Variants in GABRG1 observed in about 807,000 individuals in gnomAD.
GABRG1 encodes gamma-aminobutyric acid type A receptor subunit gamma1, also known as gamma-aminobutyric acid receptor subunit gamma-1.
GABRG1 carries 49 observed loss-of-function variants against 49.8 expected under a neutral mutation model. The observed-to-expected ratio is 0.98, with a 90% CI of 0.78 to 1.25. The LOEUF (loss-of-function observed/expected upper bound fraction) is 1.25, where lower values mean the gene tolerates loss of function less well. GABRG1 is among the 50% of genes most tolerant of loss of function. GABRG1 has a pLI of 0.00. For missense variants in GABRG1, 552 were observed against 552.3 expected (o/e 1.00, Z 0.01); for synonymous variants, 232 against 185.1 (o/e 1.25, Z -2.06).
At chr4:46,098,878 C>G (rs1031015690) in intron 1 of GABRG1, among the ~76,000 whole-genome samples, 3 of 151,578 alleles carry the variant, frequency 2.0e-5, no homozygotes, top group Non-Finnish European at 3.0e-5. Context: ...ATTGTATCAT[C>G]AGATTCACAT....
At position 46,076,361 on chromosome 4, in the gene GABRG1, T is replaced by TTATATATATA. The variant is rs1560360726; in HGVS notation, c.321+7624_321+7625insTATATATATA. ...TACCTAAATTTATCTTAGGTCATGT[T>TTATATATATA]CATATATATATATATATATATATAT... On this transcript the variant is annotated intron_variant, in intron 3 of 8. Transcript: ENST00000295452. Among the ~76,000 whole-genome samples the TTATATATATA allele has an allele frequency of 2.4e-4, 19 of 78,144 alleles. 1 individual carries two copies. The highest frequency in any genetic ancestry group is 1.3e-3 in the South Asian group (3 of 2,250). The allele number at this position is 78,144 out of a possible 152,430, so 51.3% of individuals were successfully genotyped here.
chr4:46,040,862 C>T lies in GABRG1; in HGVS notation c.*126G>A. On this transcript the variant is annotated 3_prime_UTR_variant, in exon 9 of 9. Transcript: ENST00000295452. Reference sequence around the variant, plus strand: ...ACTTCTGAAGGCCTTAAAATAGTTACAATACTATTCACATTTTAACCATTG... The same window carrying T: ...ACTTCTGAAGGCCTTAAAATAGTTATAATACTATTCACATTTTAACCATTG... 2.0e-6 allele frequency: 2 copies of T among 992,988 alleles called. No individual in the cohort carries two copies. The highest frequency in any genetic ancestry group is 3.0e-6 in the Non-Finnish European group (2 of 676,416). 61.5% of individuals were successfully genotyped at this position (992,988 alleles called of 1,614,324 possible).
At chr4:46,091,443 G>C (rs1028547528) in intron 2 of GABRG1, among the ~76,000 whole-genome samples, 2 of 151,812 alleles carry the variant, frequency 1.3e-5, no homozygotes. Context: ...AGAAACAATG[G>C]AAAAGAAAAT....
chr4:46,057,092 G>T (rs1249555114), intron 7 of GABRG1, among the ~76,000 whole-genome samples: 2 of 152,012 alleles, frequency 1.3e-5, no homozygotes, highest in Admixed American at 1.3e-4. Context: ...CTATGGTTAA[G>T]TTATAGTAGC....
rs1298159087 is a variant in GABRG1 at position 46,079,339 on chromosome 4, C to G, written c.321+4647G>C. Among the ~76,000 whole-genome samples the G allele has an allele frequency of 2.0e-5, 3 of 151,838 alleles. No individual in the cohort carries two copies. In the South Asian group the frequency reaches 6.2e-4, roughly 31 times the overall value. On this transcript the variant is annotated intron_variant, in intron 3 of 8. Transcript: ENST00000295452. ...GTAACTGGTGCCCTTGTTCCTCAGC[C>G]CTGTCTCCGTTACTAAGAGGAATCA...
At chr4:46,076,654 T>G (rs1015996078) in intron 3 of GABRG1, among the ~76,000 whole-genome samples, 5 of 151,570 alleles carry the variant, frequency 3.3e-5, no homozygotes, top group African/African-American at 1.2e-4. Flanking sequence ...AGACATTCAT[T>G]CTGTCAGAAC....
At chr4:46,063,804 A>T (rs1367814850) in intron 5 of GABRG1, among the ~76,000 whole-genome samples, 5 of 152,170 alleles carry the variant, frequency 3.3e-5, no homozygotes, top group Non-Finnish European at 7.3e-5. Context: ...TAATATCCAG[A>T]ATCTACAATG....
chr4:46,089,028 A>G (rs1371063749), intron 2 of GABRG1, among the ~76,000 whole-genome samples: 2 of 151,996 alleles, frequency 1.3e-5, no homozygotes, highest in Non-Finnish European at 2.9e-5. Context: ...CCTACTCTTT[A>G]GCACTTTTAG....
chr4:46,111,443 A>G (rs1418177417), intron 1 of GABRG1, among the ~76,000 whole-genome samples: 2 of 151,274 alleles, frequency 1.3e-5, no homozygotes, highest in Non-Finnish European at 3.0e-5. Flanking sequence ...ATTCAATGCT[A>G]TTCCTATTAA....
At chr4:46,048,621 G>A (rs898681276) in intron 8 of GABRG1, among the ~76,000 whole-genome samples, 2 of 143,584 alleles carry the variant, frequency 1.4e-5, no homozygotes, top group African/African-American at 5.2e-5. Flanking sequence ...GAGAAGGGAA[G>A]GGAAGCGAAG....
chr4:46,064,675 A>G, intron 4 of GABRG1, 152 bp from the exon 5 acceptor site: 1 of 395,624 alleles, frequency 2.5e-6, no homozygotes, highest in Non-Finnish European at 4.6e-6. Context: ...AAAGTCTTAA[A>G]TAGCAATAAT....
intron 7 of GABRG1, among the ~76,000 whole-genome samples, chr4:46,052,303 G>A (rs1718258309): frequency 2.6e-5 from 4 of 151,508 alleles, no homozygotes; most frequent in African/African-American, 9.7e-5. Flanking sequence ...TGAAGTGACA[G>A]TGACTTGACA....
intron 3 of GABRG1, among the ~76,000 whole-genome samples, chr4:46,076,842 A>C (rs1719357876): frequency 6.6e-6 from 1 of 151,888 alleles, no homozygotes; most frequent in Non-Finnish European, 1.5e-5. Flanking sequence ...TTTTCTAGGC[A>C]TTCAAAATAT....
At chr4:46,108,418 C>T (rs1014634247) in intron 1 of GABRG1, among the ~76,000 whole-genome samples, 2 of 150,760 alleles carry the variant, frequency 1.3e-5, no homozygotes, top group African/African-American at 2.4e-5. Context: ...TAATAGAGTC[C>T]ACTCATTCAT....
chr4:46,050,513 A>G (rs1302619512), intron 8 of GABRG1, among the ~76,000 whole-genome samples: 1 of 151,920 alleles, frequency 6.6e-6, no homozygotes, highest in Admixed American at 6.6e-5. Flanking sequence ...ATGCCTGGCT[A>G]TTTGATACAT....
intron 1 of GABRG1, among the ~76,000 whole-genome samples, chr4:46,121,501 T>G (rs1721088670): frequency 6.6e-6 from 1 of 152,048 alleles, no homozygotes; most frequent in African/African-American, 2.4e-5. Flanking sequence ...TTAATTGCTA[T>G]ATTTCCCAAC....
intron 3 of GABRG1, among the ~76,000 whole-genome samples, chr4:46,076,930 T>A (rs1470763934): frequency 1.3e-5 from 2 of 151,732 alleles, no homozygotes; most frequent in African/African-American, 2.4e-5. Flanking sequence ...TAATGGTGGC[T>A]AAAATATTTA....
chr4:46,043,744 T>C (rs958549297), intron 8 of GABRG1, among the ~76,000 whole-genome samples: 1 of 152,004 alleles, frequency 6.6e-6, no homozygotes, highest in South Asian at 2.1e-4. Flanking sequence ...GTTTTTAAAA[T>C]ACACTTTTAA....
intron 3 of GABRG1, among the ~76,000 whole-genome samples, chr4:46,070,887 CA>C (rs926668168): frequency 1.3e-5 from 2 of 151,978 alleles, no homozygotes; most frequent in Admixed American, 6.6e-5. Flanking sequence ...ACTGTTTACT[CA>C]AAAACTACTG....
Sources: gnomAD v4.1 joint callset for allele counts (sites outside exome capture counted in the v4.1 genomes callset) on GRCh38, gnomAD v4.1.1 for gene constraint, MANE v1.5 for transcripts, NCBI Gene and HGNC (gene_info 2026-07-23, HGNC 2026-07-21) for gene names.